The following ADAMTS12 variants were observed in gnomAD, a reference collection of about 807,000 sequenced individuals.
ADAMTS12 encodes the protein A disintegrin and metalloproteinase with thrombospondin motifs 12.
Under a neutral mutation model 167.8 loss-of-function variants are expected in ADAMTS12, and 118 were observed. The ratio of observed to expected loss-of-function variants is 0.70; its 90% CI spans 0.61 to 0.82. The LOEUF (loss-of-function observed/expected upper bound fraction) is 0.82. Among genes scored for constraint, ADAMTS12 ranks in the 40% least tolerant of loss-of-function variants. ADAMTS12 has a pLI of 0.00. For missense variants in ADAMTS12, 1,916 were observed against 1,998.8 expected (o/e 0.96, Z 0.79); for synonymous variants, 704 against 716.9 (o/e 0.98, Z 0.29).
intron 18 of ADAMTS12, among the ~76,000 whole-genome samples, chr5:33,580,390 A>C (rs1747003598): frequency 6.6e-6 from 1 of 151,762 alleles, no homozygotes; most frequent in South Asian, 2.1e-4. Flanking sequence ...AAACCCTCAG[A>C]TCTCATGGGA....
rs556024358 is a variant in ADAMTS12 at position 33,573,505 on chromosome 5, C to T, written c.3972+2549G>A. 6.4e-4 allele frequency among the ~76,000 whole-genome samples: 98 copies of T among 152,306 alleles called. 1 individual carries two copies. Among genetic ancestry groups the T allele is most frequent in the African/African-American group, 2.3e-3 (94 of 41,558 alleles). On this transcript the variant is annotated intron_variant, in intron 19 of 23. Coordinates refer to ENST00000504830, the MANE Select transcript of ADAMTS12 (RefSeq NM_030955.4). The stretch of plus-strand genomic sequence containing the variant: ...AGAAAAACAAGCAGGAAAGGATTCC[C>T]TATTTAATAAATGGTGCTGGGAAAA...
intron 2 of ADAMTS12, among the ~76,000 whole-genome samples, chr5:33,799,742 T>C (rs1281031454): frequency 6.6e-6 from 1 of 152,186 alleles, no homozygotes; most frequent in African/African-American, 2.4e-5. Context: ...GTTGAGTGAA[T>C]ATCTGAAAGC....
At chr5:33,560,811 C>A (rs569712188) in intron 20 of ADAMTS12, among the ~76,000 whole-genome samples, 66 of 149,482 alleles carry the variant, frequency 4.4e-4, no homozygotes, top group Non-Finnish European at 6.5e-4. Flanking sequence ...AGGAGATATA[C>A]CTAATGTAAA....
At chr5:33,645,549 G>A (rs377384446) in intron 9 of ADAMTS12, among the ~76,000 whole-genome samples, 2 of 152,148 alleles carry the variant, frequency 1.3e-5, no homozygotes, top group African/African-American at 2.4e-5. Context: ...CTCAATATCT[G>A]TTCATGCTTA....
chr5:33,755,852 A>G (rs1745149678), intron 2 of ADAMTS12, among the ~76,000 whole-genome samples: 1 of 152,210 alleles, frequency 6.6e-6, no homozygotes, highest in Non-Finnish European at 1.5e-5. Flanking sequence ...GACAAAGACA[A>G]CACAACACAT....
Position 33,527,269 on chromosome 5 carries a change from G to A in ADAMTS12, c.4704C>T (p.Cys1568=), listed in dbSNP as rs758050349. ...TGATGTGTGTCTGGGGACACGAGAA[G>A]CAGCACTCAGCCCTCACGGTGGGCA... The part of the protein sequence containing the change: ...CSVPTVRAEC[C]FSCPQTHITH... Residue 1568 remains cysteine, a synonymous_variant, in exon 24 of 24, where the codon TGC becomes TGT. Coordinates refer to ENST00000504830, the MANE Select transcript of ADAMTS12 (RefSeq NM_030955.4). The A allele has an allele frequency of 4.3e-6, 7 of 1,613,962 alleles. No homozygotes were observed. In the East Asian group the frequency reaches 1.3e-4, roughly 31 times the overall value.
chr5:33,576,278 G>C lies in ADAMTS12; in HGVS notation c.3748C>G (p.Pro1250Ala). The change falls in exon 19 of 24, where the codon CCT becomes GCT. Residue 1250 changes from proline to alanine, a missense_variant. Coordinates refer to ENST00000504830, the MANE Select transcript of ADAMTS12 (RefSeq NM_030955.4). ...VTEKPANTLL[P>A]LGGDHQPEPS... ...TCTGGCTGGTGGTCTCCTCCCAGAG[G>C]GAGCAGAGTGTTGGCTGGCTTTTCA... The C allele has an allele frequency of 6.2e-7, 1 of 1,614,176 alleles. No individual in the cohort carries two copies. Among genetic ancestry groups the C allele is most frequent in the Non-Finnish European group, 8.5e-7 (1 of 1,180,034 alleles).
In ADAMTS12 at chr5:33,576,960, G is replaced by A. The variant is rs1746768634; in HGVS notation, c.3066C>T (p.Val1022=). 1 of 1,614,216 alleles carries A rather than the reference G, an allele frequency of 6.2e-7. No homozygotes were observed. Among genetic ancestry groups the A allele is most frequent in the Non-Finnish European group, 8.5e-7 (1 of 1,180,040 alleles). Reference sequence around the variant, plus strand: ...TTCTGGGCCTGGATGTAGGTGGAGGGACGGGCTTTAGTGTTGGTGGGTTTT... The same window carrying A: ...TTCTGGGCCTGGATGTAGGTGGAGGAACGGGCTTTAGTGTTGGTGGGTTTT... ...NGKNPPTLKP[V]PPPTSRPRML... The change falls in exon 19 of 24, where the codon GTC becomes GTT. Residue 1022 remains valine (V), a synonymous_variant. Coordinates refer to ENST00000504830, the MANE Select transcript of ADAMTS12 (RefSeq NM_030955.4).
At chr5:33,658,475 G>A (rs1286768975) in intron 6 of ADAMTS12, 142 bp from the exon 7 acceptor site, 8 of 897,136 alleles carry the variant, frequency 8.9e-6, no homozygotes, top group East Asian at 2.7e-5. Flanking sequence ...CATGAATGTA[G>A]GCAGCAATTT....
intron 6 of ADAMTS12, among the ~76,000 whole-genome samples, chr5:33,659,220 C>T (rs571493509): frequency 6.6e-6 from 1 of 152,260 alleles, no homozygotes; most frequent in East Asian, 1.9e-4. Flanking sequence ...CTTCAGTTCT[C>T]CAGGTTGCAA....
chr5:33,564,215 A>G (rs971493723), intron 19 of ADAMTS12, among the ~76,000 whole-genome samples: 20 of 152,210 alleles, frequency 1.3e-4, no homozygotes, highest in Non-Finnish European at 2.8e-4. Flanking sequence ...GATCAGACTC[A>G]AAGCTTGATC....
At chr5:33,592,592 T>A (rs1747698673) in intron 17 of ADAMTS12, among the ~76,000 whole-genome samples, 1 of 152,160 alleles carries the variant, frequency 6.6e-6, no homozygotes, top group Non-Finnish European at 1.5e-5. Context: ...GCCTACCCTC[T>A]CCTGGAACAT....
chr5:33,816,194 A>G (rs1416030098), intron 2 of ADAMTS12, among the ~76,000 whole-genome samples: 1 of 151,904 alleles, frequency 6.6e-6, no homozygotes, highest in Non-Finnish European at 1.5e-5. Flanking sequence ...TAAATGAAAC[A>G]GTTTATAATT....
At chr5:33,851,621 T>C (rs185899879) in intron 2 of ADAMTS12, among the ~76,000 whole-genome samples, 17 of 152,282 alleles carry the variant, frequency 1.1e-4, no homozygotes, top group Admixed American at 5.2e-4. Context: ...ACCTTCCAGA[T>C]AGAAAAGAGT....
chr5:33,709,184 A>G (rs1294782083), intron 3 of ADAMTS12, among the ~76,000 whole-genome samples: 1 of 152,172 alleles, frequency 6.6e-6, no homozygotes, highest in African/African-American at 2.4e-5. Flanking sequence ...AATGGTAATT[A>G]TTACAAAATC....
rs529647384 is a variant in ADAMTS12, at chr5:33,825,549, C to T, written c.489+55570G>A. On this transcript the variant is annotated intron_variant, in intron 2 of 23. Transcript: ENST00000504830. ...TTGTGTTGCAGATGCTACACAAACC[C>T]AAAAGGAACTAAAGGGCAAAAAGCA... Among the ~76,000 whole-genome samples the T allele has an allele frequency of 2.6e-5, 4 of 152,130 alleles. No homozygotes were observed. In the South Asian group the frequency reaches 8.3e-4, roughly 32 times the overall value.
At chr5:33,819,982 C>A (rs572874661) in intron 2 of ADAMTS12, among the ~76,000 whole-genome samples, 1 of 152,296 alleles carries the variant, frequency 6.6e-6, no homozygotes, top group Admixed American at 6.5e-5. Context: ...TTCTTTTCTG[C>A]TGTTGAAGGA....
intron 3 of ADAMTS12, among the ~76,000 whole-genome samples, chr5:33,709,153 A>G (rs1743301638): frequency 6.6e-6 from 1 of 152,324 alleles, no homozygotes; most frequent in Admixed American, 6.5e-5. Context: ...CCACAATGAG[A>G]TACCATCTCA....
intron 3 of ADAMTS12, among the ~76,000 whole-genome samples, chr5:33,711,108 T>C (rs1022181920): frequency 4.6e-5 from 7 of 152,150 alleles, no homozygotes; most frequent in Admixed American, 2.0e-4. Context: ...GTCCTACCCC[T>C]GGACCAGCTT....
Sources: allele counts gnomAD v4.1 joint callset (sites outside exome capture counted in the v4.1 genomes callset), GRCh38; gene constraint gnomAD v4.1.1; transcripts MANE v1.5; gene names NCBI Gene and HGNC (gene_info 2026-07-23, HGNC 2026-07-21).